The following ATP2B1 variants were observed in gnomAD, a reference collection of about 807,000 sequenced individuals.
ATP2B1 encodes the protein ATPase plasma membrane Ca2+ transporting 1.
Under a neutral mutation model 124.2 loss-of-function variants are expected in ATP2B1, and 14 were observed. That is an observed-to-expected ratio of 0.11 (90% CI 0.07 to 0.18). The LOEUF (loss-of-function observed/expected upper bound fraction) is 0.18. Ranked by LOEUF, ATP2B1 falls within the 10% of genes least tolerant of loss-of-function variation. The pLI, the probability that ATP2B1 is intolerant of heterozygous loss-of-function variation, is 1.00. For missense variants in ATP2B1, 763 were observed against 1,466.1 expected (o/e 0.52, Z 7.83); for synonymous variants, 449 against 492.4 (o/e 0.91, Z 1.17).
At position 89,663,371 on chromosome 12, in the gene ATP2B1, C is replaced by A. The variant is rs116060207; in HGVS notation, c.-221-7264G>T. On this transcript the variant is annotated intron_variant, in intron 1 of 20. Transcript: ENST00000428670. ...CATGGCAAAGTTTTTTAACCAGGGT[C>A]TTAGATTCTTGAGGGTATGCAAAGA... Among the ~76,000 whole-genome samples, 362 of 152,178 alleles carry A rather than the reference C, an allele frequency of 2.4e-3. 5 individuals are homozygous for A. The highest frequency in any genetic ancestry group is 8.1e-3 in the African/African-American group (337 of 41,518).
chr12:89,627,365 C>T (rs992420409), intron 7 of ATP2B1, among the ~76,000 whole-genome samples: 5 of 146,722 alleles, frequency 3.4e-5, no homozygotes, highest in Non-Finnish European at 7.4e-5. Context: ...CCCAAGATAT[C>T]TCATTATGTA....
intron 2 of ATP2B1, among the ~76,000 whole-genome samples, chr12:89,653,283 C>CTTTTTT (rs149270069): frequency 1.3e-5 from 1 of 76,114 alleles, no homozygotes; most frequent in Non-Finnish European, 2.4e-5. Flanking sequence ...GAATTTTTTT[C>CTTTTTT]TTTTTTTTTT....
chr12:89,653,416 C>G (rs1216990070), intron 2 of ATP2B1, among the ~76,000 whole-genome samples: 2 of 151,090 alleles, frequency 1.3e-5, no homozygotes, highest in African/African-American at 4.9e-5. Flanking sequence ...CCTGCCTCAG[C>G]CTCCCGAGTA....
At chr12:89,638,170 T>G (rs1882988762) in intron 3 of ATP2B1, among the ~76,000 whole-genome samples, 1 of 152,168 alleles carries the variant, frequency 6.6e-6, no homozygotes, top group African/African-American at 2.4e-5. Context: ...ATAAAGAATT[T>G]TAACAATGTT....
intron 1 of ATP2B1, among the ~76,000 whole-genome samples, chr12:89,683,042 A>G (rs1185973154): frequency 6.6e-6 from 1 of 152,208 alleles, no homozygotes; most frequent in Admixed American, 6.5e-5. Context: ...ATTCACCAAA[A>G]TATAAAAATA....
At chr12:89,675,943 A>C (rs547016521) in intron 1 of ATP2B1, among the ~76,000 whole-genome samples, 2 of 152,300 alleles carry the variant, frequency 1.3e-5, no homozygotes, top group South Asian at 4.1e-4. Flanking sequence ...AATATTTAAC[A>C]AATCAATTTA....
intron 12 of ATP2B1, among the ~76,000 whole-genome samples, chr12:89,613,481 G>T (rs1878405596): frequency 6.6e-6 from 1 of 152,064 alleles, no homozygotes; most frequent in Non-Finnish European, 1.5e-5. Flanking sequence ...CTGTGCTTAG[G>T]TCCTAGTGCC....
At chr12:89,705,367 C>G (rs141248537) in intron 1 of ATP2B1, among the ~76,000 whole-genome samples, 1 of 152,144 alleles carries the variant, frequency 6.6e-6, no homozygotes, top group African/African-American at 2.4e-5. Context: ...ATGCAAAAAC[C>G]TAAATGTTTG....
chr12:89,672,410 C>T (rs575584583), intron 1 of ATP2B1, among the ~76,000 whole-genome samples: 12 of 152,148 alleles, frequency 7.9e-5, no homozygotes, highest in African/African-American at 2.9e-4. Context: ...GCTGATATCA[C>T]GCTACTGCAC....
At chr12:89,592,418 TAATG>T (rs1373062038) in intron 20 of ATP2B1, among the ~76,000 whole-genome samples, 1 of 152,004 alleles carries the variant, frequency 6.6e-6, no homozygotes, top group Non-Finnish European at 1.5e-5. Flanking sequence ...TAGACAGCAA[TAATG>T]AATAATACAT....
intron 2 of ATP2B1, among the ~76,000 whole-genome samples, chr12:89,649,348 G>A (rs926516492): frequency 1.3e-5 from 2 of 152,232 alleles, no homozygotes; most frequent in Non-Finnish European, 1.5e-5. Flanking sequence ...TTGGGACATC[G>A]CCCTTTGTAT....
chr12:89,684,892 A>G (rs2136670421), intron 1 of ATP2B1, among the ~76,000 whole-genome samples: 2 of 152,242 alleles, frequency 1.3e-5, no homozygotes, highest in South Asian at 4.1e-4. Flanking sequence ...TTACAGTTGT[A>G]TTTCTACAGA....
chr12:89,630,365 G>T, intron 6 of ATP2B1, 140 bp downstream of exon 6: 1 of 676,910 alleles, frequency 1.5e-6, no homozygotes, highest in Non-Finnish European at 2.2e-6. Context: ...AAAGGCCCAT[G>T]CTATTAAGTC....
rs549939991 is a variant in ATP2B1 at position 89,631,926 on chromosome 12, C to T, written c.788-1281G>A. Reference sequence around the variant, plus strand: ...AATTACAGGTGCGAGTCACCGTGCTCGGCCTGAAGGTTATACAACTATTAA... The same window carrying T: ...AATTACAGGTGCGAGTCACCGTGCTTGGCCTGAAGGTTATACAACTATTAA... On this transcript the variant is annotated intron_variant, in intron 5 of 20. Coordinates refer to ENST00000428670, the MANE Select transcript of ATP2B1 (RefSeq NM_001366521.1). 4.0e-5 allele frequency among the ~76,000 whole-genome samples: 6 copies of T among 151,838 alleles called. No individual in the cohort carries two copies. In the South Asian group the frequency reaches 6.2e-4, roughly 16 times the overall value.
intron 1 of ATP2B1, among the ~76,000 whole-genome samples, chr12:89,694,908 T>C (rs1890956558): frequency 6.6e-6 from 1 of 151,706 alleles, no homozygotes; most frequent in Admixed American, 6.6e-5. Flanking sequence ...AGTACAAAAA[T>C]TAGCCGAGCA....
chr12:89,698,261 A>G (rs2136822214), intron 1 of ATP2B1, among the ~76,000 whole-genome samples: 1 of 152,360 alleles, frequency 6.6e-6, no homozygotes, highest in Non-Finnish European at 1.5e-5. Flanking sequence ...GTCCATCAAC[A>G]GGCGAACGGA....
chr12:89,624,305 A>G lies in ATP2B1; in HGVS notation c.1222T>C (p.Cys408Arg). The G allele has an allele frequency of 6.2e-7, 1 of 1,614,168 alleles. No homozygotes were observed. Among genetic ancestry groups the G allele is most frequent in the Non-Finnish European group, 8.5e-7 (1 of 1,180,008 alleles). Residue 408 changes from cysteine to arginine, a missense_variant, in exon 9 of 21, where the codon TGC becomes CGC. Cys to Arg is a radical substitution (Grantham distance 180, BLOSUM62 -3). Coordinates refer to ENST00000428670, the MANE Select transcript of ATP2B1 (RefSeq NM_001366521.1). ...WVQKRPWLAE[C>R]TPIYIQYFVK... Reference sequence around the variant, plus strand: ...AAGTATTGTATATAAATTGGTGTGCACTCAGCAAGCCATGGTCTTTTCTGA... The same window carrying G: ...AAGTATTGTATATAAATTGGTGTGCGCTCAGCAAGCCATGGTCTTTTCTGA...
In ATP2B1 at chr12:89,591,293, A is replaced by T; in HGVS notation, c.3354T>A (p.Ile1118=). Residue 1118 remains isoleucine (I), a splice_region_variant and synonymous_variant, in exon 21 of 21, where the codon ATT becomes ATA. Transcript: ENST00000428670. ...AACTACGAAATGCATTCACCACTCG[A>T]ATCTGTAAATATCAGAAAATACAGA... ...FRGLNRIQTQ[I]RVVNAFRSSL... 2 of 1,603,548 alleles carry T rather than the reference A, an allele frequency of 1.2e-6. No homozygotes were observed. The highest frequency in any genetic ancestry group is 1.7e-6 in the Non-Finnish European group (2 of 1,174,232).
intron 9 of ATP2B1, 81 bp downstream of exon 9, chr12:89,624,102 A>G (rs904662066): frequency 6.0e-5 from 75 of 1,246,300 alleles, no homozygotes; most frequent in Non-Finnish European, 8.2e-5. Flanking sequence ...CAGAAGCAGA[A>G]AAGGAGTAAC....
Sources: gnomAD v4.1 joint callset for allele counts (sites outside exome capture counted in the v4.1 genomes callset) on GRCh38, gnomAD v4.1.1 for gene constraint, MANE v1.5 for transcripts, NCBI Gene and HGNC (gene_info 2026-07-23, HGNC 2026-07-21) for gene names.